PIK3CD: variants seen among roughly 807,000 people sequenced by gnomAD.
PIK3CD encodes the protein phosphatidylinositol 4,5-bisphosphate 3-kinase catalytic subunit delta isoform.
In PIK3CD, 20 loss-of-function variants were observed where a neutral mutation model predicts 122.9. That is an observed-to-expected ratio of 0.16 (90% CI 0.11 to 0.24). PIK3CD has a LOEUF of 0.24. Among genes scored for constraint, PIK3CD ranks in the 10% least tolerant of loss-of-function variants. The probability of loss-of-function intolerance (pLI) is 1.00; values close to 1 mark genes in which losing one functional copy is unlikely to be tolerated. For synonymous variants in PIK3CD, 596 were observed against 593.4 expected, an observed-to-expected ratio of 1.00 and a Z score of -0.06; for missense variants, 787 against 1,406.3, an observed-to-expected ratio of 0.56 and a Z score of 7.04.
At position 9,724,332 on chromosome 1, in the gene PIK3CD, C is replaced by A; in HGVS notation, c.2775C>A (p.Ile925=). 6.2e-7 allele frequency: 1 copy of A among 1,614,184 alleles called. No individual in the cohort carries two copies. Among genetic ancestry groups the A allele is most frequent in the Non-Finnish European group, 8.5e-7 (1 of 1,180,002 alleles). The change falls in exon 22 of 24, where the codon ATC becomes ATA. Residue 925 remains isoleucine (I), a synonymous_variant. Coordinates refer to ENST00000377346, the MANE Select transcript of PIK3CD (RefSeq NM_005026.5). The surrounding 1 kb of genome is among the most constrained non-coding windows in gnomAD (Gnocchi z 7.3). ...FLGNFKTKFG[I]NRERVPFILT... is the part of the protein sequence containing the mutation. The stretch of plus-strand genomic sequence containing the variant: ...GGAATTTCAAGACCAAGTTTGGAAT[C>A]AACCGCGAGCGTGTCCCATTCATCC...
chr1:9,639,149 C>CCTT, the PIK3CD span, among the ~76,000 whole-genome samples: 1 of 152,094 alleles, frequency 6.6e-6, no homozygotes, highest in Non-Finnish European at 1.5e-5. Flanking sequence ...TAATCCTAAA[C>CCTT]CTTCTCCCTC....
intron 1 of PIK3CD, among the ~76,000 whole-genome samples, chr1:9,675,732 A>T (rs562418783): frequency 3.8e-5 from 4 of 106,608 alleles, no homozygotes; most frequent in Admixed American, 1.2e-4. Context: ...ACTTAGTTGG[A>T]CTTCCAGGCA....
chr1:9,679,430 G>A (rs115314251), intron 1 of PIK3CD, among the ~76,000 whole-genome samples: 2,218 of 152,144 alleles, frequency 0.015, 50 homozygotes, highest in African/African-American at 0.05. Flanking sequence ...TGGGCCTCAG[G>A]TGCTTGAGAC....
chr1:9,717,062 AG>A lies in PIK3CD; in HGVS notation c.886del (p.Val296SerfsTer38). ...MRDEQSNPAP[Q>X]VQKPRAKPPP... Reference sequence around the variant, plus strand: ...GATGAGCAGAGCAACCCTGCCCCCCAGGTCCAGAAACCGCGTGCCAAACCAC... The same window carrying A: ...GATGAGCAGAGCAACCCTGCCCCCCAGTCCAGAAACCGCGTGCCAAACCAC... On this transcript the variant is annotated frameshift_variant, in exon 7 of 24. Transcript: ENST00000377346. LOFTEE classifies it high-confidence loss of function. The surrounding 1 kb of genome is among the most constrained non-coding windows in gnomAD (Gnocchi z 5.4). 1 of 1,613,930 alleles carries A rather than the reference AG, an allele frequency of 6.2e-7. No individual in the cohort carries two copies. The highest frequency in any genetic ancestry group is 8.5e-7 in the Non-Finnish European group (1 of 1,180,022).
chr1:9,717,176 G>A lies in PIK3CD; in HGVS notation c.930+68G>A, dbSNP rs1647624693. 3 of 1,576,002 alleles carry A rather than the reference G, an allele frequency of 1.9e-6. No individual in the cohort carries two copies. The Admixed American group carries it at 5.0e-5, about 26-fold the overall frequency. Reference sequence around the variant, plus strand: ...TTCCACCTGGCGTCCAACTCCATGTGCTACTGGCCATGGGTCCAGGGGCCC... The same window carrying A: ...TTCCACCTGGCGTCCAACTCCATGTACTACTGGCCATGGGTCCAGGGGCCC... On this transcript the variant is annotated intron_variant, in intron 7 of 23. Transcript: ENST00000377346. The surrounding 1 kb of genome is among the most constrained non-coding windows in gnomAD (Gnocchi z 5.4).
intron 2 of PIK3CD, among the ~76,000 whole-genome samples, chr1:9,706,583 T>C (rs997461535): frequency 1.3e-5 from 2 of 152,154 alleles, no homozygotes; most frequent in Admixed American, 6.6e-5. Flanking sequence ...GTATTTCTGA[T>C]GATAATCTAG....
At chr1:9,629,919 A>C in the PIK3CD span, among the ~76,000 whole-genome samples, 2 of 151,564 alleles carry the variant, frequency 1.3e-5, no homozygotes, top group Non-Finnish European at 2.9e-5. Context: ...TCATGGGGTG[A>C]GGGGGGAGTG....
the PIK3CD span, among the ~76,000 whole-genome samples, chr1:9,644,875 A>G: frequency 6.6e-6 from 1 of 152,034 alleles, no homozygotes; most frequent in Non-Finnish European, 1.5e-5. Flanking sequence ...CTTTGGCCCC[A>G]TTTGATGGAA....
Position 9,716,095 on chromosome 1 carries a change from C to T in PIK3CD, c.600+17C>T, listed in dbSNP as rs750783205. ...GGCAGCGAGGTGAGCCCATGCGTGG[C>T]CTGCGGCATCCAGGCTGCTCTGTCC... On this transcript the variant is annotated intron_variant, in intron 5 of 23. Coordinates refer to ENST00000377346, the MANE Select transcript of PIK3CD (RefSeq NM_005026.5). 6.3e-6 allele frequency: 10 copies of T among 1,593,050 alleles called. No homozygotes were observed. Among genetic ancestry groups the T allele is most frequent in the Middle Eastern group, 1.7e-4 (1 of 5,916 alleles).
chr1:9,710,823 T>C lies in PIK3CD; in HGVS notation c.141+227T>C, dbSNP rs1040233965. 8.5e-5 allele frequency among the ~76,000 whole-genome samples: 13 copies of C among 152,340 alleles called. No homozygotes were observed. The highest frequency in any genetic ancestry group is 2.9e-4 in the African/African-American group (12 of 41,582). ...GTTTTGAGACGGAGTTTCGCTCTTA[T>C]TGCCCAGGCTGGTGTGCAATGGCGC... On this transcript the variant is annotated intron_variant, in intron 3 of 23. Coordinates refer to ENST00000377346, the MANE Select transcript of PIK3CD (RefSeq NM_005026.5). The surrounding 1 kb of genome is among the most constrained non-coding windows in gnomAD (Gnocchi z 4.7).
intron 1 of PIK3CD, among the ~76,000 whole-genome samples, chr1:9,667,079 G>T (rs1645182967): frequency 6.6e-6 from 1 of 152,120 alleles, no homozygotes; most frequent in Non-Finnish European, 1.5e-5. Flanking sequence ...TTCCAAGCTG[G>T]TCTCGAACTC....
At chr1:9,716,808 TG>T in intron 6 of PIK3CD, 150 bp from the exon 7 acceptor site, 1 of 1,216,654 alleles carries the variant, frequency 8.2e-7, no homozygotes, top group Non-Finnish European at 1.2e-6. Flanking sequence ...TCTTGGGAGG[TG>T]GAGGTGGGGC....
At chr1:9,669,921 C>T (rs2100969180) in intron 1 of PIK3CD, among the ~76,000 whole-genome samples, 1 of 152,184 alleles carries the variant, frequency 6.6e-6, no homozygotes, top group Non-Finnish European at 1.5e-5. Context: ...CGCCTGTAAT[C>T]CCAACACTTT....
intron 1 of PIK3CD, chr1:9,688,199 A>G (rs1646046316): frequency 6.6e-6 from 1 of 152,218 alleles, no homozygotes; most frequent in Admixed American, 6.5e-5. Context: ...ACGTGCAGCA[A>G]TTAGGACCAC....
chr1:9,667,927 T>G (rs1462013763), intron 1 of PIK3CD, among the ~76,000 whole-genome samples: 1 of 146,778 alleles, frequency 6.8e-6, no homozygotes, highest in East Asian at 2.0e-4. Context: ...TTTTTTTTTT[T>G]TTTTTAGTAA....
At chr1:9,696,096 C>G (rs191364636) in intron 2 of PIK3CD, among the ~76,000 whole-genome samples, 1 of 151,690 alleles carries the variant, frequency 6.6e-6, no homozygotes, top group Non-Finnish European at 1.5e-5. Context: ...CTCAGCCCCC[C>G]GAGTAGCTGG....
the PIK3CD span, among the ~76,000 whole-genome samples, chr1:9,644,305 A>G: frequency 6.6e-6 from 1 of 152,080 alleles, no homozygotes; most frequent in East Asian, 1.9e-4. Context: ...ACCTGAGGTC[A>G]GGAGTTTGAG....
At chr1:9,673,363 A>G (rs1157639349) in intron 1 of PIK3CD, among the ~76,000 whole-genome samples, 2 of 152,048 alleles carry the variant, frequency 1.3e-5, no homozygotes, top group Non-Finnish European at 2.9e-5. Flanking sequence ...TGGTTCAAGC[A>G]AACCTCTTGC....
the PIK3CD span, among the ~76,000 whole-genome samples, chr1:9,629,551 G>A: frequency 4.0e-4 from 58 of 146,076 alleles, no homozygotes; most frequent in Non-Finnish European, 5.7e-4. Context: ...GAGGAGCCAC[G>A]ACCCTGCCGT....
Sources: gnomAD v4.1 joint callset for allele counts (sites outside exome capture counted in the v4.1 genomes callset) on GRCh38, gnomAD v4.1.1 for gene constraint, Gnocchi (gnomAD v3.1) non-coding constraint, MANE v1.5 for transcripts, NCBI Gene and HGNC (gene_info 2026-07-23, HGNC 2026-07-21) for gene names.